Variants in PRR16 observed in about 807,000 individuals in gnomAD.
PRR16 encodes the protein proline rich 16.
PRR16 carries 6 observed loss-of-function variants against 18.2 expected under a neutral mutation model. That is an observed-to-expected ratio of 0.33 (90% confidence interval 0.18 to 0.65). The LOEUF (loss-of-function observed/expected upper bound fraction) is 0.65. Among genes scored for constraint, PRR16 ranks in the 30% least tolerant of loss-of-function variants. The probability of loss-of-function intolerance (pLI) is 0.74; values close to 1 mark genes in which losing one functional copy is unlikely to be tolerated. For synonymous variants in PRR16, 151 were observed against 147.8 expected (o/e 1.02, Z -0.16); for missense variants, 412 against 376.6 (o/e 1.09, Z -0.78).
chr5:120,559,611 G>C (rs962758456), intron 1 of PRR16, among the ~76,000 whole-genome samples: 1 of 151,822 alleles, frequency 6.6e-6, no homozygotes, highest in African/African-American at 2.4e-5. Context: ...TTTTTGATCA[G>C]AGTAGCTTTG....
At chr5:120,669,431 A>G (rs1019024746) in intron 1 of PRR16, among the ~76,000 whole-genome samples, 3 of 152,034 alleles carry the variant, frequency 2.0e-5, no homozygotes, top group Non-Finnish European at 2.9e-5. Context: ...AAAAATCCTT[A>G]TATAGCTCTT....
chr5:120,758,702 C>T, the PRR16 span, among the ~76,000 whole-genome samples: 2 of 151,978 alleles, frequency 1.3e-5, no homozygotes, highest in East Asian at 1.9e-4. Context: ...CCCTTGGCCT[C>T]CTGTTGGTGT....
At chr5:120,546,982 A>G (rs1752094711) in intron 1 of PRR16, among the ~76,000 whole-genome samples, 1 of 152,144 alleles carries the variant, frequency 6.6e-6, no homozygotes, top group Non-Finnish European at 1.5e-5. Flanking sequence ...AAGGTCATTT[A>G]GAACTTTCTA....
chr5:120,776,621 T>G, the PRR16 span, among the ~76,000 whole-genome samples: 2 of 152,132 alleles, frequency 1.3e-5, no homozygotes, highest in Non-Finnish European at 2.9e-5. Context: ...ATGTATAGAA[T>G]ACAATACCAC....
intron 1 of PRR16, among the ~76,000 whole-genome samples, chr5:120,653,337 T>G (rs1174790181): frequency 6.6e-6 from 1 of 152,056 alleles, no homozygotes; most frequent in Non-Finnish European, 1.5e-5. Flanking sequence ...ATTTGGATTA[T>G]ATACATTATA....
Position 120,533,095 on chromosome 5 carries a change from A to G in PRR16, c.159+68450A>G, listed in dbSNP as rs370570766. ...GGCAACTGCACTCTAGGTGTCAGAT[A>G]GAAGATAATAGGATAGTTTACCCTG... On this transcript the variant is annotated intron_variant, in intron 1 of 1. Transcript: ENST00000407149. Among the ~76,000 whole-genome samples the G allele has an allele frequency of 3.9e-5, 6 of 152,206 alleles. No homozygotes were observed. The East Asian group carries it at 7.7e-4, about 20-fold the overall frequency.
intron 1 of PRR16, among the ~76,000 whole-genome samples, chr5:120,509,103 C>T (rs950059525): frequency 3.9e-5 from 6 of 151,998 alleles, no homozygotes; most frequent in Non-Finnish European, 4.4e-5. Flanking sequence ...CTGTGAATCT[C>T]GATAGTGAAT....
At chr5:120,767,947 G>A in the PRR16 span, among the ~76,000 whole-genome samples, 1 of 151,728 alleles carries the variant, frequency 6.6e-6, no homozygotes, top group African/African-American at 2.4e-5. Flanking sequence ...TTTTATAAAA[G>A]TCACCACTTA....
intron 1 of PRR16, among the ~76,000 whole-genome samples, chr5:120,494,710 C>A (rs1051720537): frequency 6.6e-6 from 1 of 152,066 alleles, no homozygotes; most frequent in African/African-American, 2.4e-5. Context: ...CTTCCTCTAT[C>A]TTTTCCCTTA....
At chr5:120,566,751 T>C (rs950596232) in intron 1 of PRR16, among the ~76,000 whole-genome samples, 137 of 152,334 alleles carry the variant, frequency 9.0e-4, no homozygotes, top group Non-Finnish European at 1.8e-4. Context: ...TCTCTCAATG[T>C]CCATGCTTGT....
At chr5:120,667,093 C>A (rs951193835) in intron 1 of PRR16, among the ~76,000 whole-genome samples, 1 of 152,086 alleles carries the variant, frequency 6.6e-6, no homozygotes, top group African/African-American at 2.4e-5. Context: ...TGGTCCTGGA[C>A]TCCTTTTGGT....
At chr5:120,517,606 T>G (rs1751040256) in intron 1 of PRR16, among the ~76,000 whole-genome samples, 1 of 152,200 alleles carries the variant, frequency 6.6e-6, no homozygotes, top group Non-Finnish European at 1.5e-5. Context: ...ACTAATAATT[T>G]CATGGATTTC....
chr5:120,606,024 G>A (rs1032561888), intron 1 of PRR16, among the ~76,000 whole-genome samples: 50 of 152,318 alleles, frequency 3.3e-4, no homozygotes, highest in African/African-American at 1.1e-3. Context: ...GGGGATGCAG[G>A]TGAGTGAACA....
intron 1 of PRR16, among the ~76,000 whole-genome samples, chr5:120,530,440 T>G (rs2112665426): frequency 6.6e-6 from 1 of 151,698 alleles, no homozygotes; most frequent in East Asian, 1.9e-4. Flanking sequence ...TCTCCTCTCT[T>G]TTTGTTTGTT....
chr5:120,651,225 T>A (rs919052396), intron 1 of PRR16, among the ~76,000 whole-genome samples: 1 of 152,044 alleles, frequency 6.6e-6, no homozygotes, highest in African/African-American at 2.4e-5. Flanking sequence ...ATTCTGGATA[T>A]TAGCCCCTTG....
intron 1 of PRR16, among the ~76,000 whole-genome samples, chr5:120,603,570 T>G (rs1036533800): frequency 6.6e-6 from 1 of 152,068 alleles, no homozygotes; most frequent in African/African-American, 2.4e-5. Context: ...ATTTCAGATC[T>G]GATTTTTGTC....
chr5:120,570,479 G>A (rs114357858), intron 1 of PRR16, among the ~76,000 whole-genome samples: 541 of 152,214 alleles, frequency 3.6e-3, no homozygotes, highest in African/African-American at 0.012. Flanking sequence ...TGGTTTTCAG[G>A]GGAAACATGA....
intron 1 of PRR16, among the ~76,000 whole-genome samples, chr5:120,568,065 A>G (rs1161335015): frequency 3.9e-5 from 6 of 152,190 alleles, no homozygotes; most frequent in Non-Finnish European, 7.3e-5. Flanking sequence ...CATTAGTAGT[A>G]CCTTCTGGAC....
chr5:120,664,089 A>G (rs996533625), intron 1 of PRR16, among the ~76,000 whole-genome samples: 4 of 152,124 alleles, frequency 2.6e-5, no homozygotes, highest in African/African-American at 7.2e-5. Flanking sequence ...ACCTGAGGTC[A>G]TGAGTTCGAG....
Sources: gnomAD v4.1 joint callset for allele counts (sites outside exome capture counted in the v4.1 genomes callset) on GRCh38, gnomAD v4.1.1 for gene constraint, MANE v1.5 for transcripts, NCBI Gene and HGNC (gene_info 2026-07-23, HGNC 2026-07-21) for gene names.